ARL5C: variants seen among roughly 807,000 people sequenced by gnomAD.
The protein encoded by ARL5C is ARF like GTPase 5C, also known as putative ADP-ribosylation factor-like protein 5C.
Under a neutral mutation model 20.8 loss-of-function variants are expected in ARL5C, and 21 were observed. The ratio of observed to expected loss-of-function variants is 1.01; its 90% CI spans 0.72 to 1.46. ARL5C has a LOEUF of 1.46. Among genes scored for constraint, ARL5C ranks in the 40% most tolerant of loss-of-function variants. The probability of loss-of-function intolerance (pLI) is 0.00; values close to 1 mark genes in which losing one functional copy is unlikely to be tolerated. For missense variants in ARL5C, 199 were observed against 225.1 expected, an observed-to-expected ratio of 0.88 and a Z score of 0.74; for synonymous variants, 71 against 81.6, an observed-to-expected ratio of 0.87 and a Z score of 0.70.
intron 2 of ARL5C, among the ~76,000 whole-genome samples, chr17:39,163,868 G>A (rs969647090): frequency 1.3e-5 from 2 of 151,712 alleles, no homozygotes; most frequent in Non-Finnish European, 2.9e-5. Context: ...GGGTTCAAGT[G>A]ATTCTCCTTC....
At chr17:39,161,957 A>G (rs544043837) in intron 3 of ARL5C, among the ~76,000 whole-genome samples, 4 of 152,272 alleles carry the variant, frequency 2.6e-5, no homozygotes, top group Admixed American at 2.0e-4. Flanking sequence ...TAGTATCCCC[A>G]TTTTACAAAT....
chr17:39,160,485 A>G (rs2045428667), intron 5 of ARL5C, 106 bp downstream of exon 5: 4 of 1,418,424 alleles, frequency 2.8e-6, no homozygotes, highest in Admixed American at 4.5e-5. Flanking sequence ...CCAGGAGCCA[A>G]CTGTGAACCA....
chr17:39,157,487 G>C (rs990383699), intron 5 of ARL5C, among the ~76,000 whole-genome samples: 1 of 152,142 alleles, frequency 6.6e-6, no homozygotes, highest in Admixed American at 6.5e-5. Flanking sequence ...AACATGGGGG[G>C]TACTTAGAAA....
Position 39,165,734 on chromosome 17 carries a change from C to T in ARL5C, c.27G>A (p.Met9Ile), listed in dbSNP as rs1244081123. MGQLIAKL[M>I]SIFGNQEHTV... ...CCTTACCCTGGTTCCCGAAGATGCT[C>T]ATTAACTTGGCGATCAGCTGTCCCA... The change falls in exon 1 of 6, where the codon ATG becomes ATA. Residue 9 changes from methionine to isoleucine, a missense_variant. Physicochemically the swap from Met to Ile is conservative, Grantham distance 10. Transcript: ENST00000269586. 1.3e-6 allele frequency: 2 copies of T among 1,551,886 alleles called. No individual in the cohort carries two copies. The highest frequency in any genetic ancestry group is 2.7e-5 in the African/African-American group (2 of 73,190).
chr17:39,162,626 G>A, intron 3 of ARL5C, 85 bp downstream of exon 3: 1 of 1,454,738 alleles, frequency 6.9e-7, no homozygotes, highest in Non-Finnish European at 9.2e-7. Context: ...TCACAAGTTG[G>A]GGAACCAAGG....
chr17:39,163,244 GCCCAGCC>G (rs973339000), intron 2 of ARL5C, among the ~76,000 whole-genome samples: 45 of 150,010 alleles, frequency 3.0e-4, no homozygotes, highest in African/African-American at 1.1e-3. Flanking sequence ...GAGCCACAGA[GCCCAGCC>G]TCCTCAAACT....
At position 39,160,705 on chromosome 17, in the gene ARL5C, T is replaced by C. The variant is rs200547902; in HGVS notation, c.377A>G (p.Lys126Arg). The C allele has an allele frequency of 1.5e-5, 24 of 1,551,864 alleles. No homozygotes were observed. Among genetic ancestry groups the C allele is most frequent in the Non-Finnish European group, 1.9e-5 (22 of 1,147,000 alleles). ...QDASVLIFAN[K>R]QDVKDSMRMV... ...CCTCATGGAGTCCTTCACGTCCTGCTTATTGGCAAATATCAGGACTGAAGC... is the reference window on the plus strand; with the variant it reads ...CCTCATGGAGTCCTTCACGTCCTGCCTATTGGCAAATATCAGGACTGAAGC... Residue 126 changes from lysine to arginine, a missense_variant, in exon 5 of 6, where the codon AAG (lysine) becomes AGG (arginine). By Grantham distance (26) the Lys-to-Arg change is conservative. Transcript: ENST00000269586.
chr17:39,162,626 G>C (rs1403157127), intron 3 of ARL5C, 85 bp downstream of exon 3: 8 of 1,454,620 alleles, frequency 5.5e-6, no homozygotes, highest in Non-Finnish European at 7.4e-6. Context: ...TCACAAGTTG[G>C]GGAACCAAGG....
Position 39,165,078 on chromosome 17 carries a change from C to G in ARL5C, c.107+1G>C. On this transcript the variant is annotated splice_donor_variant, in intron 2 of 5. Transcript: ENST00000269586. LOFTEE classifies it high-confidence loss of function. ...ACCCTCCCCGCCCGAGAGTCACTTA[C>G]AACCGGTAGAGAATGGTGGTCTTTC... 2 of 1,551,714 alleles carry G rather than the reference C, an allele frequency of 1.3e-6. No homozygotes were observed. The highest frequency in any genetic ancestry group is 1.2e-5 in the South Asian group (1 of 84,052).
At chr17:39,161,421 T>G in intron 3 of ARL5C, 70 bp from the exon 4 acceptor site, 1 of 1,370,010 alleles carries the variant, frequency 7.3e-7, no homozygotes, top group Admixed American at 2.0e-5. Context: ...CCCTCTTTCT[T>G]TCCCCACTGG....
At chr17:39,162,587 C>A in intron 3 of ARL5C, 124 bp downstream of exon 3, 1 of 1,258,464 alleles carries the variant, frequency 7.9e-7, no homozygotes, top group Non-Finnish European at 1.1e-6. Context: ...AGGTGTGAGC[C>A]ACAGGAACCG....
chr17:39,160,336 AAAAG>A lies in ARL5C; in HGVS notation c.491+251_491+254del, dbSNP rs1263718362. 750 of 400,740 alleles carry A rather than the reference AAAAG, an allele frequency of 1.9e-3. 6 individuals carry two copies. The highest frequency in any genetic ancestry group is 0.015 in the African/African-American group (699 of 48,144). 24.8% of individuals were successfully genotyped at this position (400,740 alleles called of 1,614,324 possible). ...CAAAACTCTGTCTCAAAAAAAAAAA[AAAAG>A]AGAGAGAGATTATTGCATTTAGGCG... On this transcript the variant is annotated intron_variant, in intron 5 of 5. Transcript: ENST00000269586.
Position 39,165,078 on chromosome 17 carries a change from C to T in ARL5C, c.107+1G>A. 6.4e-7 allele frequency: 1 copy of T among 1,551,714 alleles called. No homozygotes were observed. Among genetic ancestry groups the T allele is most frequent in the Non-Finnish European group, 8.7e-7 (1 of 1,146,966 alleles). On this transcript the variant is annotated splice_donor_variant, in intron 2 of 5. Transcript: ENST00000269586. LOFTEE classifies it high-confidence loss of function. ...ACCCTCCCCGCCCGAGAGTCACTTA[C>T]AACCGGTAGAGAATGGTGGTCTTTC... is the stretch of plus-strand genomic sequence containing the variant.
intron 5 of ARL5C, among the ~76,000 whole-genome samples, chr17:39,157,621 C>A (rs967591830): frequency 6.6e-6 from 1 of 151,590 alleles, no homozygotes; most frequent in African/African-American, 2.4e-5. Context: ...GAAAGCCCGT[C>A]TCTACTAGAA....
intron 5 of ARL5C, among the ~76,000 whole-genome samples, chr17:39,157,961 GGTGGCTC>G (rs2045413936): frequency 1.3e-5 from 2 of 150,998 alleles, no homozygotes; most frequent in Non-Finnish European, 3.0e-5. Flanking sequence ...AACCGGGCGT[GGTGGCTC>G]ACGCCTGTAA....
At chr17:39,165,650 A>T in intron 1 of ARL5C, 65 bp downstream of exon 1, 2 of 1,546,530 alleles carry the variant, frequency 1.3e-6, no homozygotes, top group South Asian at 2.4e-5. Context: ...CCGACCACAG[A>T]TCAGAGGAGT....
In ARL5C at chr17:39,161,354, G is replaced by A. The variant is rs1351520656; in HGVS notation, c.256-3C>T. Reference sequence around the variant, plus strand: ...CTGTCAATCACAAGGATGATAAACTGGGCAGCAGAGGGGAGCCGTGAGAGA... The same window carrying A: ...CTGTCAATCACAAGGATGATAAACTAGGCAGCAGAGGGGAGCCGTGAGAGA... On this transcript the variant is annotated splice_polypyrimidine_tract_variant and splice_region_variant and intron_variant, in intron 3 of 5. Transcript: ENST00000269586. 1.3e-6 allele frequency: 2 copies of A among 1,551,828 alleles called. No homozygotes were observed. The highest frequency in any genetic ancestry group is 8.7e-7 in the Non-Finnish European group (1 of 1,146,988).
intron 5 of ARL5C, among the ~76,000 whole-genome samples, chr17:39,157,789 CAAA>C (rs35290590): frequency 1.8e-5 from 2 of 110,224 alleles, no homozygotes; most frequent in South Asian, 3.0e-4. Context: ...AAACTCCACT[CAAA>C]AAAAAAAAAA....
At chr17:39,165,361 G>T in intron 1 of ARL5C, 1 of 598,584 alleles carries the variant, frequency 1.7e-6, no homozygotes, top group Non-Finnish European at 3.0e-6. Context: ...CCAGAAAAGT[G>T]TCTGAAAGGC....
Sources: gnomAD v4.1 joint callset for allele counts (sites outside exome capture counted in the v4.1 genomes callset) on GRCh38, gnomAD v4.1.1 for gene constraint, MANE v1.5 for transcripts, NCBI Gene and HGNC (gene_info 2026-07-23, HGNC 2026-07-21) for gene names.